Variants in PDE7B observed in about 807,000 individuals in gnomAD.
The protein encoded by PDE7B is 3',5'-cyclic-AMP phosphodiesterase 7B.
PDE7B carries 29 observed loss-of-function variants against 56.2 expected under a neutral mutation model. That is an observed-to-expected ratio of 0.52 (90% CI 0.38 to 0.70). The LOEUF (loss-of-function observed/expected upper bound fraction) is 0.70. PDE7B is among the 30% of genes least tolerant of loss of function. PDE7B has a pLI of 0.00. For missense variants in PDE7B, 490 were observed against 565.0 expected, an observed-to-expected ratio of 0.87 and a Z score of 1.35; for synonymous variants, 197 against 196.9, an observed-to-expected ratio of 1.00 and a Z score of 0.00.
At chr6:136,073,149 A>T (rs1351602559) in intron 2 of PDE7B, among the ~76,000 whole-genome samples, 2 of 152,062 alleles carry the variant, frequency 1.3e-5, no homozygotes, top group Admixed American at 6.5e-5. Flanking sequence ...AAGTCTGTTC[A>T]TATCACACAA....
At chr6:135,913,458 C>T (rs911381725) in intron 1 of PDE7B, among the ~76,000 whole-genome samples, 1 of 152,114 alleles carries the variant, frequency 6.6e-6, no homozygotes, top group Non-Finnish European at 1.5e-5. Context: ...TGGAATCCAG[C>T]GTCCACTACT....
At position 136,193,152 on chromosome 6, in the gene PDE7B, A is replaced by G. The variant is rs1287517924; in HGVS notation, c.*1312A>G. The G allele has an allele frequency of 6.6e-6, 1 of 152,646 alleles. No homozygotes were observed. Among genetic ancestry groups the G allele is most frequent in the Non-Finnish European group, 1.5e-5 (1 of 68,042 alleles). The allele number at this position is 152,646 out of a possible 1,614,324, so 9.5% of individuals were successfully genotyped here. On this transcript the variant is annotated 3_prime_UTR_variant, in exon 13 of 13. Coordinates refer to ENST00000308191, the MANE Select transcript of PDE7B (RefSeq NM_018945.4). The stretch of plus-strand genomic sequence containing the variant: ...GCGGTGCGTCAGCCTCACAGGAGAC[A>G]TAGCAGGTCTCAGAAACCTTCTATG...
chr6:135,857,052 CCCTT>C (rs1292256411), intron 1 of PDE7B, among the ~76,000 whole-genome samples: 6 of 136,680 alleles, frequency 4.4e-5, no homozygotes, highest in East Asian at 2.3e-4. Context: ...CTCCCTCCCT[CCCTT>C]CCTTCCTCCC....
At chr6:136,110,720 T>C (rs901359063) in intron 3 of PDE7B, among the ~76,000 whole-genome samples, 1 of 152,080 alleles carries the variant, frequency 6.6e-6, no homozygotes, top group Non-Finnish European at 1.5e-5. Context: ...ACATTTTTTT[T>C]TTTTTTTTTT....
chr6:135,894,541 A>C (rs1775863843), intron 1 of PDE7B, among the ~76,000 whole-genome samples: 1 of 152,110 alleles, frequency 6.6e-6, no homozygotes, highest in Non-Finnish European at 1.5e-5. Context: ...TTCTGTTCTA[A>C]GACAGAAACA....
intron 2 of PDE7B, among the ~76,000 whole-genome samples, chr6:136,055,889 C>T (rs9376174): frequency 6.6e-6 from 1 of 151,950 alleles, no homozygotes; most frequent in Non-Finnish European, 1.5e-5. Context: ...AAAGAACAAG[C>T]TTCTTTCTTT....
intron 1 of PDE7B, among the ~76,000 whole-genome samples, chr6:135,853,522 T>A (rs1774972899): frequency 6.6e-6 from 1 of 152,198 alleles, no homozygotes; most frequent in Non-Finnish European, 1.5e-5. Flanking sequence ...ACGTCTTGAT[T>A]GACATTTTCT....
chr6:136,019,763 T>G (rs976929586), intron 2 of PDE7B, among the ~76,000 whole-genome samples: 1 of 152,190 alleles, frequency 6.6e-6, no homozygotes, highest in Non-Finnish European at 1.5e-5. Flanking sequence ...TACTGTATTC[T>G]TACAATAAAG....
chr6:136,042,727 AACT>A (rs1776433613), intron 2 of PDE7B, among the ~76,000 whole-genome samples: 4 of 152,242 alleles, frequency 2.6e-5, no homozygotes, highest in Admixed American at 2.6e-4. Flanking sequence ...TTAACATTTA[AACT>A]ACTATTTCAA....
chr6:136,110,632 CAACTTTACTGCT>C (rs1426097954), intron 3 of PDE7B, among the ~76,000 whole-genome samples: 1 of 151,450 alleles, frequency 6.6e-6, no homozygotes, highest in Non-Finnish European at 1.5e-5. Context: ...TGTTAATAAG[CAACTTTACTGCT>C]AATGGTGGTT....
intron 2 of PDE7B, among the ~76,000 whole-genome samples, chr6:135,993,869 T>C (rs540900932): frequency 5.8e-4 from 89 of 152,214 alleles, no homozygotes; most frequent in African/African-American, 2.0e-3. Flanking sequence ...CCTTCACCAG[T>C]CAAGTGGATG....
At chr6:136,065,882 A>AT (rs1776926168) in intron 2 of PDE7B, among the ~76,000 whole-genome samples, 1 of 152,150 alleles carries the variant, frequency 6.6e-6, no homozygotes, top group African/African-American at 2.4e-5. Context: ...TATGCTCTTT[A>AT]TTTTTTATCA....
At chr6:136,162,759 A>C (rs1004478375) in intron 8 of PDE7B, among the ~76,000 whole-genome samples, 5 of 152,218 alleles carry the variant, frequency 3.3e-5, no homozygotes, top group Admixed American at 3.3e-4. Flanking sequence ...GCATTGGGTA[A>C]ATACACCCAT....
chr6:136,147,492 G>C lies in PDE7B; in HGVS notation c.308G>C (p.Gly103Ala). The C allele has an allele frequency of 6.2e-7, 1 of 1,613,808 alleles. No homozygotes were observed. Among genetic ancestry groups the C allele is most frequent in the Admixed American group, 1.7e-5 (1 of 59,986 alleles). The stretch of plus-strand genomic sequence containing the variant: ...CACCTGCTGGATGAAGACTACCTTG[G>C]ACAAGCAAGGGTAAGCTGACTGCCC... ...PLHLLDEDYL[G>A]QARHMLSKVG... is the part of the protein sequence containing the mutation. Residue 103 changes from glycine to alanine, a missense_variant, in exon 4 of 13, where the codon GGA becomes GCA. By Grantham distance (60) the Gly-to-Ala change is moderately conservative (BLOSUM62 0). Transcript: ENST00000308191.
chr6:135,951,891 T>C (rs1443282233), intron 2 of PDE7B, among the ~76,000 whole-genome samples: 1 of 152,152 alleles, frequency 6.6e-6, no homozygotes, highest in Admixed American at 6.6e-5. Context: ...TTGAAAATTA[T>C]TATAAATGAT....
At chr6:135,961,293 G>A (rs1369201595) in intron 2 of PDE7B, among the ~76,000 whole-genome samples, 2 of 147,136 alleles carry the variant, frequency 1.4e-5, no homozygotes, top group African/African-American at 5.3e-5. Flanking sequence ...GTGTGTGTGT[G>A]TGTGTGTGTG....
chr6:135,971,631 TA>T (rs1378029888), intron 2 of PDE7B, among the ~76,000 whole-genome samples: 1 of 152,140 alleles, frequency 6.6e-6, no homozygotes, highest in Non-Finnish European at 1.5e-5. Context: ...AGTGTTAAAA[TA>T]AAAAATTCAT....
Position 135,851,903 on chromosome 6 carries a change from A to G in PDE7B, c.-96A>G. On this transcript the variant is annotated 5_prime_UTR_variant, in exon 1 of 13. Coordinates refer to ENST00000308191, the MANE Select transcript of PDE7B (RefSeq NM_018945.4). ...TAATTATATTCCTAATCCTGGATGAAGTTGCTGGATTCTGCAGCACAAGTC... is the reference window on the plus strand; with the variant it reads ...TAATTATATTCCTAATCCTGGATGAGGTTGCTGGATTCTGCAGCACAAGTC... 2 of 774,840 alleles carry G rather than the reference A, an allele frequency of 2.6e-6. No individual in the cohort carries two copies. The highest frequency in any genetic ancestry group is 2.5e-5 in the East Asian group (1 of 40,508). The allele number at this position is 774,840 out of a possible 1,614,324, so 48.0% of individuals were successfully genotyped here. A position where few individuals can be genotyped will look rare whatever the true frequency, so the allele number is the denominator to read the frequency against.
intron 11 of PDE7B, among the ~76,000 whole-genome samples, chr6:136,185,178 G>A (rs1306968018): frequency 2.6e-5 from 4 of 152,278 alleles, no homozygotes; most frequent in East Asian, 3.9e-4. Flanking sequence ...GGTTAAGCCC[G>A]AATGATTTCC....
Sources: allele counts gnomAD v4.1 joint callset (sites outside exome capture counted in the v4.1 genomes callset), GRCh38; gene constraint gnomAD v4.1.1; transcripts MANE v1.5; gene names NCBI Gene and HGNC (gene_info 2026-07-23, HGNC 2026-07-21).